The following NAA38 variants were observed in gnomAD, a reference collection of about 807,000 sequenced individuals.
NAA38 encodes N-alpha-acetyltransferase 38, NatC auxiliary subunit, also known as LSM domain containing 1.
NAA38 carries 15 observed loss-of-function variants against 12.6 expected under a neutral mutation model. The observed-to-expected ratio is 1.19, with a 90% confidence interval of 0.79 to 1.83. The LOEUF is 1.83. Among genes scored for constraint, NAA38 ranks in the 40% most tolerant of loss-of-function variants. The pLI, the probability that NAA38 is intolerant of heterozygous loss-of-function variation, is 0.00. For missense variants in NAA38, 183 were observed against 171.7 expected, an observed-to-expected ratio of 1.07 and a Z score of -0.37; for synonymous variants, 88 against 69.9, an observed-to-expected ratio of 1.26 and a Z score of -1.29.
At chr17:7,873,721 G>C (rs956184857) in intron 2 of NAA38, among the ~76,000 whole-genome samples, 3 of 152,148 alleles carry the variant, frequency 2.0e-5, no homozygotes, top group South Asian at 2.1e-4. Flanking sequence ...AGGACAGGAG[G>C]ACAGGATAAA....
chr17:7,867,259 G>A (rs1001103782), intron 2 of NAA38, among the ~76,000 whole-genome samples: 1 of 150,974 alleles, frequency 6.6e-6, no homozygotes. Context: ...ACCAGGTTAA[G>A]TTTTATTTTT....
chr17:7,885,016 C>T (rs1967533864), intron 1 of NAA38: 2 of 1,216,792 alleles, frequency 1.6e-6, no homozygotes, highest in Non-Finnish European at 2.0e-6. Context: ...CCCCCGGCTG[C>T]CACCTCTTCC....
Position 7,866,585 on chromosome 17 carries a change from A to G in NAA38, c.-65-27T>C, listed in dbSNP as rs1966987444. Reference sequence around the variant, plus strand: ...TGAAATGCCCCCCAAGCTTTGCATCAGAGCCTTCCTACATGCTGTTCCTCT... The same window carrying G: ...TGAAATGCCCCCCAAGCTTTGCATCGGAGCCTTCCTACATGCTGTTCCTCT... On this transcript the variant is annotated intron_variant, in intron 2 of 4. Coordinates refer to the NAA38 transcript ENST00000576861. 16 of 1,099,452 alleles carry G rather than the reference A, an allele frequency of 1.5e-5. No individual in the cohort carries two copies. The Middle Eastern group carries it at 1.0e-3, about 69-fold the overall frequency. 68.1% of individuals were successfully genotyped at this position (1,099,452 alleles called of 1,614,324 possible). A position where few individuals can be genotyped will look rare whatever the true frequency, so the allele number is the denominator to read the frequency against.
At chr17:7,867,932 G>T (rs539936321) in intron 2 of NAA38, among the ~76,000 whole-genome samples, 1 of 152,342 alleles carries the variant, frequency 6.6e-6, no homozygotes, top group South Asian at 2.1e-4. Context: ...AGGATGGTGA[G>T]TCCACTGGCA....
chr17:7,884,069 C>T (rs889922514), intron 1 of NAA38, among the ~76,000 whole-genome samples: 1 of 101,510 alleles, frequency 9.9e-6, no homozygotes, highest in Non-Finnish European at 2.1e-5. Flanking sequence ...TCATGCCCCC[C>T]CAACACACAC....
chr17:7,857,240 CT>C, intron 1 of NAA38, 42 bp from the exon 2 acceptor site: 1 of 1,610,520 alleles, frequency 6.2e-7, no homozygotes, highest in African/African-American at 1.3e-5. Context: ...GCAGCCCAGG[CT>C]GCCCGCCCGC....
intron 3 of NAA38, chr17:7,864,361 TAA>T (rs1419286164): frequency 1.3e-5 from 2 of 152,050 alleles, no homozygotes; most frequent in Non-Finnish European, 2.9e-5. Flanking sequence ...GGAATGGGAG[TAA>T]AGGCTTAAGT....
In NAA38 at chr17:7,857,200, T is replaced by G. The variant is rs758831785; in HGVS notation, c.82-2A>C. On this transcript the variant is annotated splice_acceptor_variant, in intron 1 of 2. Transcript: ENST00000575771. LOFTEE classifies it high-confidence loss of function. The stretch of plus-strand genomic sequence containing the variant: ...GTCCTCGCGCTCTCCGTCCGAATCC[T>G]GCGCGGGGTGTAACAAGCGCTCAGA... 12 of 1,612,996 alleles carry G rather than the reference T, an allele frequency of 7.4e-6. No individual in the cohort carries two copies. Among genetic ancestry groups the G allele is most frequent in the Non-Finnish European group, 9.3e-6 (11 of 1,179,986 alleles).
intron 2 of NAA38, among the ~76,000 whole-genome samples, chr17:7,882,092 G>A (rs931880018): frequency 6.6e-5 from 10 of 152,252 alleles, no homozygotes; most frequent in African/African-American, 2.4e-4. Flanking sequence ...GGGAGAATAA[G>A]GCAAATTAGC....
intron 1 of NAA38, among the ~76,000 whole-genome samples, chr17:7,883,592 CG>C (rs1967359455): frequency 6.6e-6 from 1 of 152,008 alleles, no homozygotes; most frequent in Non-Finnish European, 1.5e-5. Context: ...ACTCAATCAT[CG>C]TATCTATTCA....
At chr17:7,882,530 T>C (rs1967292478) in intron 2 of NAA38, among the ~76,000 whole-genome samples, 1 of 150,870 alleles carries the variant, frequency 6.6e-6, no homozygotes. Context: ...AAGCCCACAA[T>C]ATAGAAAGGG....
chr17:7,873,177 C>A (rs148405766), intron 2 of NAA38, among the ~76,000 whole-genome samples: 112 of 152,280 alleles, frequency 7.4e-4, no homozygotes, highest in African/African-American at 2.1e-3. Flanking sequence ...GCATATGAAC[C>A]CAGACCTGTC....
At chr17:7,877,629 C>T (rs1407057250) in intron 2 of NAA38, among the ~76,000 whole-genome samples, 1 of 152,032 alleles carries the variant, frequency 6.6e-6, no homozygotes, top group African/African-American at 2.4e-5. Flanking sequence ...TAATGAATAG[C>T]TCTGTAATGT....
intron 2 of NAA38, among the ~76,000 whole-genome samples, chr17:7,880,200 C>G (rs1967246957): frequency 6.6e-6 from 1 of 151,880 alleles, no homozygotes; most frequent in South Asian, 2.1e-4. Context: ...ACAGGCCAAT[C>G]AGACAGAAGA....
At chr17:7,881,510 A>C (rs1359071904) in intron 2 of NAA38, among the ~76,000 whole-genome samples, 1 of 151,980 alleles carries the variant, frequency 6.6e-6, no homozygotes, top group Non-Finnish European at 1.5e-5. Flanking sequence ...ACTTTGAGGC[A>C]AAGGGGTTAC....
intron 2 of NAA38, among the ~76,000 whole-genome samples, chr17:7,869,631 T>C (rs1028341703): frequency 2.0e-5 from 3 of 151,754 alleles, no homozygotes; most frequent in African/African-American, 7.3e-5. Flanking sequence ...GGTGTGGTGG[T>C]GGATGCCTGT....
intron 2 of NAA38, among the ~76,000 whole-genome samples, chr17:7,871,432 A>G (rs145793200): frequency 2.0e-5 from 3 of 152,300 alleles, no homozygotes; most frequent in African/African-American, 7.2e-5. Flanking sequence ...TTGTACATAT[A>G]CTTTACTACT....
chr17:7,865,858 G>C (rs1340681231), intron 3 of NAA38: 2 of 152,106 alleles, frequency 1.3e-5, no homozygotes, highest in Non-Finnish European at 2.9e-5. Context: ...TGATACTTGA[G>C]CCTTTCTTGA....
chr17:7,859,156 G>C (rs1350048717), upstream of NAA38: 8 of 598,992 alleles, frequency 1.3e-5, no homozygotes, highest in Non-Finnish European at 2.4e-5. Flanking sequence ...GATATAGTGA[G>C]GGGACAGTTG....
Sources: gnomAD v4.1 joint callset for allele counts (sites outside exome capture counted in the v4.1 genomes callset) on GRCh38, gnomAD v4.1.1 for gene constraint, MANE v1.5 for transcripts, NCBI Gene and HGNC (gene_info 2026-07-23, HGNC 2026-07-21) for gene names.